TAX1BP1: variants seen among roughly 807,000 people sequenced by gnomAD.
TAX1BP1 encodes tax1-binding protein 1.
In TAX1BP1, 62 loss-of-function variants were observed where a neutral mutation model predicts 97.7. The observed-to-expected ratio is 0.63, with a 90% CI of 0.52 to 0.78. TAX1BP1 has a LOEUF of 0.78. TAX1BP1 is among the 30% of genes least tolerant of loss of function. The probability of loss-of-function intolerance (pLI) is 0.00; values close to 1 mark genes in which losing one functional copy is unlikely to be tolerated. For missense variants in TAX1BP1, 867 were observed against 916.1 expected (o/e 0.95, Z 0.69); for synonymous variants, 340 against 304.2 (o/e 1.12, Z -1.23).
At chr7:27,758,255 G>A in intron 3 of TAX1BP1, 122 bp downstream of exon 3, 1 of 625,098 alleles carries the variant, frequency 1.6e-6, no homozygotes, top group Non-Finnish European at 2.7e-6. Context: ...ATTAGTTAGT[G>A]TCTTTACTTA....
At chr7:27,740,733 T>G (rs1787549987) in intron 1 of TAX1BP1, among the ~76,000 whole-genome samples, 2 of 152,344 alleles carry the variant, frequency 1.3e-5, no homozygotes, top group African/African-American at 4.8e-5. Context: ...AGAAGGACGC[T>G]GGGGTTTGCC....
chr7:27,776,444 G>A (rs1272333789), intron 5 of TAX1BP1, among the ~76,000 whole-genome samples: 2 of 152,048 alleles, frequency 1.3e-5, no homozygotes, highest in African/African-American at 4.8e-5. Context: ...GATAGTTTTT[G>A]TATTTGAGTA....
Position 27,796,181 on chromosome 7 carries a change from A to G in TAX1BP1, c.1600A>G (p.Lys534Glu), listed in dbSNP as rs1209457590. 25 of 1,594,180 alleles carry G rather than the reference A, an allele frequency of 1.6e-5. No individual in the cohort carries two copies. The highest frequency in any genetic ancestry group is 2.1e-5 in the Non-Finnish European group (25 of 1,174,558). The change falls in exon 12 of 17, where the codon AAA (lysine) becomes GAA (glutamate). Residue 534 changes from lysine (K) to glutamate (E), a missense_variant. Transcript: ENST00000396319. ...TGAAATGACCAAAGAAATTGCTGAC[A>G]AAACAGAAAAGTATAATAAATGTAA... ...VCEMTKEIAD[K>E]TEKYNKCKQL...
intron 1 of TAX1BP1, among the ~76,000 whole-genome samples, chr7:27,740,669 G>A (rs566342932): frequency 2.0e-4 from 30 of 152,198 alleles, no homozygotes; most frequent in Non-Finnish European, 4.1e-4. Context: ...TGTTTTGAGG[G>A]CAGTGTGGGT....
At chr7:27,740,628 T>C (rs1009266633) in intron 1 of TAX1BP1, among the ~76,000 whole-genome samples, 2 of 152,086 alleles carry the variant, frequency 1.3e-5, no homozygotes, top group Admixed American at 6.5e-5. Flanking sequence ...AGGAAAAGCT[T>C]CTGGTGTCCA....
At position 27,829,590 on chromosome 7, in the gene TAX1BP1, A is replaced by G. The variant is rs1583417798; in HGVS notation, c.*761A>G. Reference sequence around the variant, plus strand: ...GTGGCATAAAAATCATAGAATATATATCAGTATCTTTTTTACATTTTCCTG... The same window carrying G: ...GTGGCATAAAAATCATAGAATATATGTCAGTATCTTTTTTACATTTTCCTG... On this transcript the variant is annotated 3_prime_UTR_variant, in exon 17 of 17. Transcript: ENST00000396319. 2 of 152,146 alleles carry G rather than the reference A, an allele frequency of 1.3e-5. No individual in the cohort carries two copies. The highest frequency in any genetic ancestry group is 1.3e-4 in the Admixed American group (2 of 15,276). The allele number at this position is 152,146 out of a possible 1,614,324, so 9.4% of individuals were successfully genotyped here.
At chr7:27,749,544 A>G (rs1418919523) in intron 2 of TAX1BP1, among the ~76,000 whole-genome samples, 1 of 152,254 alleles carries the variant, frequency 6.6e-6, no homozygotes, top group Non-Finnish European at 1.5e-5. Context: ...GCTAGAAATT[A>G]GGCACATTGA....
intron 15 of TAX1BP1, 115 bp downstream of exon 15, chr7:27,817,153 A>G (rs915274195): frequency 6.6e-5 from 84 of 1,280,758 alleles, no homozygotes; most frequent in Non-Finnish European, 8.8e-5. Flanking sequence ...TGTGTGTGGA[A>G]GGAGAGTGTG....
At position 27,816,351 on chromosome 7, in the gene TAX1BP1, A is replaced by G; in HGVS notation, c.1767A>G (p.Glu589=). The G allele has an allele frequency of 1.3e-6, 2 of 1,561,086 alleles. No homozygotes were observed. Among genetic ancestry groups the G allele is most frequent in the Non-Finnish European group, 1.7e-6 (2 of 1,164,334 alleles). The change falls in exon 14 of 17, where the codon GAA becomes GAG. Residue 589 remains glutamate, a splice_region_variant and synonymous_variant. Transcript: ENST00000396319. ...ELAEVQDNYK[E]LKRSLENPAE... Reference sequence around the variant, plus strand: ...ATCTTTGTTTTTGTTAATTTTAGGAACTTAAAAGGAGTCTAGAAAATCCAG... The same window carrying G: ...ATCTTTGTTTTTGTTAATTTTAGGAGCTTAAAAGGAGTCTAGAAAATCCAG...
At chr7:27,741,073 G>A (rs1189432736) in intron 1 of TAX1BP1, among the ~76,000 whole-genome samples, 1 of 152,216 alleles carries the variant, frequency 6.6e-6, no homozygotes, top group African/African-American at 2.4e-5. Flanking sequence ...AGAAAACACT[G>A]GCATTTGACT....
chr7:27,789,528 C>G (rs66610237), intron 8 of TAX1BP1, among the ~76,000 whole-genome samples: 20,020 of 151,762 alleles, frequency 0.13, 1,575 homozygotes, highest in African/African-American at 0.22. Flanking sequence ...ATACATCCTT[C>G]TTTATCCTCT....
chr7:27,772,443 A>G (rs947583549), intron 5 of TAX1BP1: 4 of 152,082 alleles, frequency 2.6e-5, no homozygotes, highest in Non-Finnish European at 5.9e-5. Context: ...TGGATTCTCC[A>G]TGTAATAAGC....
intron 1 of TAX1BP1, among the ~76,000 whole-genome samples, chr7:27,742,357 T>G (rs1454253579): frequency 6.6e-6 from 1 of 152,156 alleles, no homozygotes; most frequent in African/African-American, 2.4e-5. Flanking sequence ...TACTTGAGAT[T>G]AGGGAGTGGT....
At chr7:27,825,467 A>G (rs1286912338) in intron 15 of TAX1BP1, among the ~76,000 whole-genome samples, 1 of 152,018 alleles carries the variant, frequency 6.6e-6, no homozygotes, top group African/African-American at 2.4e-5. Context: ...TCTGATTTCA[A>G]CCTATGCTCT....
At chr7:27,751,878 C>T (rs1788033616) in intron 2 of TAX1BP1, among the ~76,000 whole-genome samples, 1 of 152,004 alleles carries the variant, frequency 6.6e-6, no homozygotes, top group African/African-American at 2.4e-5. Context: ...GTCTCGAACT[C>T]CTGGGCTCAA....
At chr7:27,745,059 T>G (rs182008955) in intron 1 of TAX1BP1, among the ~76,000 whole-genome samples, 98 of 152,348 alleles carry the variant, frequency 6.4e-4, no homozygotes, top group African/African-American at 2.3e-3. Context: ...AATTGTTGAC[T>G]GGACGTTTCA....
intron 1 of TAX1BP1, among the ~76,000 whole-genome samples, chr7:27,745,934 A>G (rs1787798833): frequency 6.6e-6 from 1 of 152,060 alleles, no homozygotes; most frequent in Admixed American, 6.5e-5. Flanking sequence ...ATTTGTAAAC[A>G]TATACAAATA....
Position 27,784,843 on chromosome 7 carries a change from C to T in TAX1BP1, c.613-320C>T, listed in dbSNP as rs182029007. Reference sequence around the variant, plus strand: ...TCTATTAAAAAAAAAATTAGCCAGGCGTGGTGGTGGGTGCCTGTAGTCCCA... The same window carrying T: ...TCTATTAAAAAAAAAATTAGCCAGGTGTGGTGGTGGGTGCCTGTAGTCCCA... On this transcript the variant is annotated intron_variant, in intron 5 of 16. Transcript: ENST00000396319. 4.5e-3 allele frequency among the ~76,000 whole-genome samples: 686 copies of T among 151,736 alleles called. 9 individuals are homozygous for T. Among genetic ancestry groups the T allele is most frequent in the African/African-American group, 0.016 (654 of 41,348 alleles).
At chr7:27,778,063 A>G (rs942904410) in intron 5 of TAX1BP1, among the ~76,000 whole-genome samples, 10 of 152,198 alleles carry the variant, frequency 6.6e-5, no homozygotes, top group African/African-American at 2.4e-4. Flanking sequence ...CTGGTATTCT[A>G]GGTACCCAGG....
Sources: allele counts gnomAD v4.1 joint callset (sites outside exome capture counted in the v4.1 genomes callset), GRCh38; gene constraint gnomAD v4.1.1; transcripts MANE v1.5; gene names NCBI Gene and HGNC (gene_info 2026-07-23, HGNC 2026-07-21).